ADCY8: variants seen among roughly 807,000 people sequenced by gnomAD.
ADCY8 encodes adenylate cyclase type 8.
ADCY8 carries 51 observed loss-of-function variants against 119.7 expected under a neutral mutation model. The observed-to-expected ratio is 0.43, with a 90% confidence interval of 0.34 to 0.54. The LOEUF is 0.54. Ranked by LOEUF, ADCY8 falls within the 20% of genes least tolerant of loss-of-function variation. The pLI, the probability that ADCY8 is intolerant of heterozygous loss-of-function variation, is 0.03. For synonymous variants in ADCY8, 665 were observed against 651.0 expected (o/e 1.02, Z -0.33); for missense variants, 1,383 against 1,598.8 (o/e 0.87, Z 2.30).
At chr8:130,788,081 A>C (rs994965987) in intron 15 of ADCY8, among the ~76,000 whole-genome samples, 2 of 152,212 alleles carry the variant, frequency 1.3e-5, no homozygotes, top group African/African-American at 4.8e-5. Flanking sequence ...CAAGCTATAA[A>C]CTCACATACA....
At chr8:130,805,583 A>G (rs539723841) in intron 14 of ADCY8, among the ~76,000 whole-genome samples, 3 of 152,324 alleles carry the variant, frequency 2.0e-5, no homozygotes. Context: ...CCTCCTTTCC[A>G]TAAGATGCTA....
At chr8:130,796,732 C>T (rs1022675313) in intron 15 of ADCY8, among the ~76,000 whole-genome samples, 2 of 151,314 alleles carry the variant, frequency 1.3e-5, no homozygotes, top group South Asian at 2.1e-4. Context: ...TTCTCCCCTA[C>T]CTTCCCCCCG....
intron 16 of ADCY8, 53 bp from the exon 17 acceptor site, chr8:130,783,858 T>C: frequency 7.0e-7 from 1 of 1,427,540 alleles, no homozygotes; most frequent in Non-Finnish European, 9.8e-7. Context: ...TGGGGGAACA[T>C]TAACATTTCT....
At position 130,780,407 on chromosome 8, in the gene ADCY8, T is replaced by G. The variant is rs1291447329; in HGVS notation, c.3739A>C (p.Lys1247Gln). Residue 1247 changes from lysine (K) to glutamine (Q), a missense_variant, in exon 18 of 18, where the codon AAA (lysine) becomes CAA (glutamine). Coordinates refer to ENST00000286355, the MANE Select transcript of ADCY8 (RefSeq NM_001115.3). The part of the protein sequence containing the change: ...EPGAQAEGTD[K>Q]SDLP Reference sequence around the variant, plus strand: ...AAATGCTTTTATGGCAAATCAGATTTGTCGGTGCCTTCAGCCTGGGCTCCA... The same window carrying G: ...AAATGCTTTTATGGCAAATCAGATTGGTCGGTGCCTTCAGCCTGGGCTCCA... 6.6e-7 allele frequency: 1 copy of G among 1,519,548 alleles called. No homozygotes were observed. Among genetic ancestry groups the G allele is most frequent in the Non-Finnish European group, 8.8e-7 (1 of 1,131,292 alleles). 94.1% of individuals were successfully genotyped at this position (1,519,548 alleles called of 1,614,324 possible).
chr8:130,909,274 G>A (rs1454271533), intron 6 of ADCY8, among the ~76,000 whole-genome samples: 1 of 152,212 alleles, frequency 6.6e-6, no homozygotes, highest in Non-Finnish European at 1.5e-5. Context: ...CTAAGGAAGA[G>A]CCTGATTTCC....
At position 130,813,391 on chromosome 8, in the gene ADCY8, T is replaced by C. The variant is rs1001693049; in HGVS notation, c.2913+678A>G. Among the ~76,000 whole-genome samples the C allele has an allele frequency of 3.3e-5, 5 of 152,098 alleles. No individual in the cohort carries two copies. In the East Asian group the frequency reaches 7.7e-4, roughly 23 times the overall value. On this transcript the variant is annotated intron_variant, in intron 14 of 17. Coordinates refer to ENST00000286355, the MANE Select transcript of ADCY8 (RefSeq NM_001115.3). ...ACTCATGAAACAATAACTCCAATTCTCCCCTCCCTCCAGCCCTTGGCAACC... is the reference window on the plus strand; with the variant it reads ...ACTCATGAAACAATAACTCCAATTCCCCCCTCCCTCCAGCCCTTGGCAACC...
At chr8:130,936,176 G>A (rs1363871849) in intron 5 of ADCY8, among the ~76,000 whole-genome samples, 1 of 151,930 alleles carries the variant, frequency 6.6e-6, no homozygotes, top group Non-Finnish European at 1.5e-5. Flanking sequence ...GACACTTAGA[G>A]GCTCTGCAAC....
At chr8:130,878,000 A>G (rs1255211599) in intron 8 of ADCY8, among the ~76,000 whole-genome samples, 1 of 152,214 alleles carries the variant, frequency 6.6e-6, no homozygotes, top group East Asian at 1.9e-4. Flanking sequence ...AAGAGGATTA[A>G]TTAGAAGGAC....
At chr8:130,943,594 A>G in intron 3 of ADCY8, 132 bp from the exon 4 acceptor site, 1 of 622,926 alleles carries the variant, frequency 1.6e-6, no homozygotes, top group South Asian at 1.9e-5. Flanking sequence ...TCTTGCTGCC[A>G]TGAGAGTCAG....
intron 2 of ADCY8, among the ~76,000 whole-genome samples, chr8:130,989,731 A>T (rs1027898789): frequency 6.6e-6 from 1 of 152,176 alleles, no homozygotes; most frequent in Non-Finnish European, 1.5e-5. Context: ...TTGAAAGTAA[A>T]TTTAATTTTG....
chr8:130,798,161 A>T (rs1759216768), intron 15 of ADCY8, among the ~76,000 whole-genome samples: 2 of 152,222 alleles, frequency 1.3e-5, no homozygotes, highest in South Asian at 4.1e-4. Flanking sequence ...AGAGATTAGT[A>T]ACATGGGTTT....
At chr8:130,961,983 AAAC>A (rs1821620108) in intron 2 of ADCY8, among the ~76,000 whole-genome samples, 1 of 152,192 alleles carries the variant, frequency 6.6e-6, no homozygotes, top group East Asian at 1.9e-4. Flanking sequence ...TCTAAAAAGA[AAAC>A]AACATTATTA....
intron 12 of ADCY8, among the ~76,000 whole-genome samples, chr8:130,823,843 T>A (rs1302582914): frequency 2.6e-5 from 4 of 152,188 alleles, no homozygotes; most frequent in African/African-American, 9.7e-5. Context: ...AAAAAGTATG[T>A]TTACAAATTT....
chr8:130,930,675 C>T (rs1353860597), intron 5 of ADCY8, among the ~76,000 whole-genome samples: 1 of 152,166 alleles, frequency 6.6e-6, no homozygotes, highest in Non-Finnish European at 1.5e-5. Flanking sequence ...TTTGGTCACA[C>T]ACACACACCC....
chr8:130,823,807 A>G (rs538174443), intron 12 of ADCY8, among the ~76,000 whole-genome samples: 2 of 152,318 alleles, frequency 1.3e-5, no homozygotes, highest in South Asian at 4.2e-4. Context: ...GAGTTAACTA[A>G]ATGTCATTTC....
intron 5 of ADCY8, among the ~76,000 whole-genome samples, chr8:130,912,820 T>C: frequency 6.6e-6 from 1 of 152,176 alleles, no homozygotes; most frequent in East Asian, 1.9e-4. Context: ...AAGCATATGG[T>C]ACTTTATATC....
chr8:130,991,811 T>C (rs1044681275), intron 1 of ADCY8, among the ~76,000 whole-genome samples: 2 of 152,160 alleles, frequency 1.3e-5, no homozygotes, highest in African/African-American at 4.8e-5. Flanking sequence ...TCTTACAACT[T>C]TGCTCAGTGA....
intron 2 of ADCY8, among the ~76,000 whole-genome samples, chr8:130,979,175 A>C (rs1273078535): frequency 2.0e-5 from 3 of 152,154 alleles, no homozygotes; most frequent in Non-Finnish European, 4.4e-5. Flanking sequence ...GAGAAGGGCA[A>C]AGGGAGCTCC....
intron 10 of ADCY8, 140 bp downstream of exon 10, chr8:130,849,462 G>A: frequency 1.2e-6 from 1 of 828,008 alleles, no homozygotes; most frequent in Non-Finnish European, 1.9e-6. Flanking sequence ...TTTGTTATCT[G>A]TCCCTAAGCT....
Sources: allele counts gnomAD v4.1 joint callset (sites outside exome capture counted in the v4.1 genomes callset), GRCh38; gene constraint gnomAD v4.1.1; transcripts MANE v1.5; gene names NCBI Gene and HGNC (gene_info 2026-07-23, HGNC 2026-07-21).